Variants in TUSC7 observed in about 807,000 individuals in gnomAD.
The protein encoded by TUSC7 is LSAMP antisense RNA 3.
chr3:116,713,472 A>G (rs2051479044), intron 1 of TUSC7, among the ~76,000 whole-genome samples: 2 of 152,200 alleles, frequency 1.3e-5, no homozygotes, highest in South Asian at 4.1e-4. Context: ...GTCTGCTAAG[A>G]GATGTCACTT....
chr3:116,715,533 T>C (rs553697100), intron 1 of TUSC7, among the ~76,000 whole-genome samples: 2 of 152,288 alleles, frequency 1.3e-5, no homozygotes, highest in East Asian at 3.9e-4. Flanking sequence ...ATATGTGTAG[T>C]GGTATCTCAT....
At chr3:116,712,095 G>A (rs1310134281) in intron 1 of TUSC7, among the ~76,000 whole-genome samples, 2 of 152,028 alleles carry the variant, frequency 1.3e-5, no homozygotes, top group Non-Finnish European at 2.9e-5. Flanking sequence ...ATAACTAAAA[G>A]CATTTTCAAG....
intron 1 of TUSC7, among the ~76,000 whole-genome samples, chr3:116,713,831 T>A (rs2051483132): frequency 6.6e-6 from 1 of 152,104 alleles, no homozygotes; most frequent in Non-Finnish European, 1.5e-5. Flanking sequence ...CCGGGCATGG[T>A]GGTGCATACC....
intron 1 of TUSC7, among the ~76,000 whole-genome samples, chr3:116,710,662 C>G (rs1227350906): frequency 6.6e-6 from 1 of 152,128 alleles, no homozygotes; most frequent in African/African-American, 2.4e-5. Flanking sequence ...TTCCCATTCA[C>G]TACTCTGAAA....
chr3:116,711,537 A>T (rs1162390486), intron 1 of TUSC7, among the ~76,000 whole-genome samples: 2 of 152,090 alleles, frequency 1.3e-5, no homozygotes, highest in South Asian at 4.1e-4. Context: ...TCATTCTATG[A>T]TGTAGTCCCA....
chr3:116,711,520 A>C (rs1442653369), intron 1 of TUSC7, among the ~76,000 whole-genome samples: 3 of 152,098 alleles, frequency 2.0e-5, no homozygotes, highest in Non-Finnish European at 4.4e-5. Flanking sequence ...AGATACTTGC[A>C]GCTTTCTCAT....
intron 1 of TUSC7, among the ~76,000 whole-genome samples, chr3:116,710,865 C>T (rs545894481): frequency 3.9e-5 from 6 of 152,150 alleles, no homozygotes; most frequent in Non-Finnish European, 7.4e-5. Flanking sequence ...ATGGCATTAA[C>T]CCCATAGATA....
chr3:116,709,900 T>C (rs1340468504), intron 1 of TUSC7: 1 of 152,108 alleles, frequency 6.6e-6, no homozygotes, highest in Non-Finnish European at 1.5e-5. Context: ...AAGATCAGTT[T>C]CTATAGGTAG....
intron 1 of TUSC7, chr3:116,716,279 T>C (rs2051506091): frequency 6.6e-6 from 1 of 152,160 alleles, no homozygotes; most frequent in Non-Finnish European, 1.5e-5. Flanking sequence ...TTGCAAGAAA[T>C]TGTTAAGTTT....
intron 1 of TUSC7, among the ~76,000 whole-genome samples, chr3:116,711,974 T>C (rs1454002221): frequency 8.5e-5 from 13 of 152,202 alleles, no homozygotes; most frequent in Non-Finnish European, 2.9e-5. Flanking sequence ...TCCTTTTTTG[T>C]GAGGCACATT....
intron 1 of TUSC7, among the ~76,000 whole-genome samples, chr3:116,715,182 T>C (rs2051495396): frequency 6.6e-6 from 1 of 152,228 alleles, no homozygotes; most frequent in Non-Finnish European, 1.5e-5. Context: ...TTTTTAACAT[T>C]GAATAATATT....
chr3:116,713,305 C>T (rs911308791), intron 1 of TUSC7, among the ~76,000 whole-genome samples: 23 of 152,152 alleles, frequency 1.5e-4, no homozygotes, highest in African/African-American at 5.1e-4. Flanking sequence ...TTCTTGGGTG[C>T]TGTATTAACA....
chr3:116,714,553 T>C (rs150710168), intron 1 of TUSC7, among the ~76,000 whole-genome samples: 1 of 152,240 alleles, frequency 6.6e-6, no homozygotes. Flanking sequence ...CTAAAACATC[T>C]CCAGATGATG....
At chr3:116,716,041 T>C (rs1393326088) in intron 1 of TUSC7, 1 of 152,354 alleles carries the variant, frequency 6.6e-6, no homozygotes, top group South Asian at 2.1e-4. Flanking sequence ...CAATTTGCCA[T>C]GACTCAAAAA....
chr3:116,711,612 T>C (rs1411213405), intron 1 of TUSC7, among the ~76,000 whole-genome samples: 1 of 152,162 alleles, frequency 6.6e-6, no homozygotes, highest in African/African-American at 2.4e-5. Context: ...TACCACCTGC[T>C]AGAGGGTGAC....
At chr3:116,714,286 C>T (rs958698527) in intron 1 of TUSC7, 1 of 152,110 alleles carries the variant, frequency 6.6e-6, no homozygotes, top group Non-Finnish European at 1.5e-5. Flanking sequence ...ACTTTTGCAC[C>T]AAATGTGTAT....
At chr3:116,715,099 G>T (rs2051494708) in intron 1 of TUSC7, among the ~76,000 whole-genome samples, 1 of 152,096 alleles carries the variant, frequency 6.6e-6, no homozygotes, top group Non-Finnish European at 1.5e-5. Flanking sequence ...GCTTTTTTCA[G>T]ATTGGCTTCT....
chr3:116,713,201 A>G (rs17658379), intron 1 of TUSC7, among the ~76,000 whole-genome samples: 27,781 of 152,094 alleles, frequency 0.18, 3,034 homozygotes, highest in South Asian at 0.4. Flanking sequence ...TCTTTCCTGG[A>G]GCAGATTAGA....
At chr3:116,713,470 A>G (rs1340193335) in intron 1 of TUSC7, among the ~76,000 whole-genome samples, 1 of 152,200 alleles carries the variant, frequency 6.6e-6, no homozygotes, top group Non-Finnish European at 1.5e-5. Context: ...AAGTCTGCTA[A>G]GAGATGTCAC....
Sources: allele counts gnomAD v4.1 joint callset (sites outside exome capture counted in the v4.1 genomes callset), GRCh38; gene constraint gnomAD v4.1.1; transcripts MANE v1.5; gene names NCBI Gene and HGNC (gene_info 2026-07-23, HGNC 2026-07-21).